The following HMCES variants were observed in gnomAD, a reference collection of about 807,000 sequenced individuals.
The protein encoded by HMCES is 5-hydroxymethylcytosine binding, ES cell specific.
Under a neutral mutation model 35.1 loss-of-function variants are expected in HMCES, and 27 were observed. That is an observed-to-expected ratio of 0.77 (90% CI 0.57 to 1.06). The LOEUF (loss-of-function observed/expected upper bound fraction) is 1.06. Among genes scored for constraint, HMCES ranks in the 50% least tolerant of loss-of-function variants. The pLI is 0.00. For missense variants in HMCES, 391 were observed against 430.4 expected (o/e 0.91, Z 0.81); for synonymous variants, 130 against 154.7 (o/e 0.84, Z 1.18).
chr3:129,287,389 A>C (rs2107688538), intron 2 of HMCES, among the ~76,000 whole-genome samples: 1 of 151,116 alleles, frequency 6.6e-6, no homozygotes, highest in African/African-American at 2.4e-5. Flanking sequence ...ACACCAGAAT[A>C]ATTTTTTTTT....
Position 129,305,292 on chromosome 3 carries a change from A to G in HMCES, c.*467A>G, listed in dbSNP as rs999311232. ...TTTCCTGAATAAATTGTATTTGGTA[A>G]ACTTCTGCCTACATTTTGGAAAGTG... On this transcript the variant is annotated 3_prime_UTR_variant, in exon 7 of 7. Coordinates refer to ENST00000383463, the MANE Select transcript of HMCES (RefSeq NM_020187.3). The G allele has an allele frequency of 1.7e-4, 26 of 154,190 alleles. No homozygotes were observed. The highest frequency in any genetic ancestry group is 6.3e-4 in the African/African-American group (26 of 41,572). 9.6% of individuals were successfully genotyped at this position (154,190 alleles called of 1,614,324 possible). A position where few individuals can be genotyped will look rare whatever the true frequency, so the allele number is the denominator to read the frequency against.
intron 6 of HMCES, among the ~76,000 whole-genome samples, chr3:129,302,516 C>T (rs2071182076): frequency 6.6e-6 from 1 of 152,062 alleles, no homozygotes; most frequent in Non-Finnish European, 1.5e-5. Flanking sequence ...AGATCGAGAC[C>T]ATCCTGGCCA....
chr3:129,282,744 C>T (rs879877701), intron 2 of HMCES, among the ~76,000 whole-genome samples: 25 of 152,168 alleles, frequency 1.6e-4, no homozygotes, highest in Non-Finnish European at 1.5e-4. Flanking sequence ...TAGATAGCAA[C>T]ATTTTCATTT....
intron 4 of HMCES, among the ~76,000 whole-genome samples, chr3:129,294,817 A>G (rs2071071779): frequency 6.6e-6 from 1 of 152,044 alleles, no homozygotes; most frequent in Admixed American, 6.6e-5. Context: ...CTGGTAATAA[A>G]TTCTGATTTT....
chr3:129,297,001 G>T (rs2071101367), intron 4 of HMCES, among the ~76,000 whole-genome samples: 1 of 152,162 alleles, frequency 6.6e-6, no homozygotes, highest in Non-Finnish European at 1.5e-5. Context: ...GCCTCCCAAA[G>T]TGCTGGGATG....
intron 6 of HMCES, among the ~76,000 whole-genome samples, chr3:129,303,794 C>T (rs998883143): frequency 1.3e-5 from 2 of 151,842 alleles, no homozygotes; most frequent in Non-Finnish European, 2.9e-5. Flanking sequence ...CCAGGTTAGA[C>T]TGCAGTGGCA....
chr3:129,295,453 AAC>A (rs1203975761), intron 4 of HMCES, among the ~76,000 whole-genome samples: 3 of 151,882 alleles, frequency 2.0e-5, no homozygotes, highest in Non-Finnish European at 4.4e-5. Flanking sequence ...AAACAAAAAA[AAC>A]CCCACAAAAT....
At position 129,290,667 on chromosome 3, in the gene HMCES, AT is replaced by A; in HGVS notation, c.328-8del. The A allele has an allele frequency of 6.2e-7, 1 of 1,611,310 alleles. No individual in the cohort carries two copies. The highest frequency in any genetic ancestry group is 1.1e-5 in the South Asian group (1 of 90,926). ...ATCACTAAGACCATATCTTGCTCAC[AT>A]TTTCCCTCAGGTGCCTCTGGGAAAG... On this transcript the variant is annotated splice_polypyrimidine_tract_variant and intron_variant, in intron 3 of 6. Transcript: ENST00000383463.
intron 2 of HMCES, among the ~76,000 whole-genome samples, chr3:129,286,413 T>C (rs766944776): frequency 3.3e-5 from 5 of 152,182 alleles, no homozygotes; most frequent in Non-Finnish European, 7.3e-5. Flanking sequence ...TTCAGAACTA[T>C]GAGATAAATC....
intron 2 of HMCES, among the ~76,000 whole-genome samples, chr3:129,283,008 A>T (rs1940540343): frequency 6.6e-6 from 1 of 152,166 alleles, no homozygotes; most frequent in African/African-American, 2.4e-5. Flanking sequence ...CACTGTTGAC[A>T]GTTTTGGCCA....
At chr3:129,303,775 C>G (rs1405371004) in intron 6 of HMCES, among the ~76,000 whole-genome samples, 1 of 151,532 alleles carries the variant, frequency 6.6e-6, no homozygotes, top group African/African-American at 2.4e-5. Context: ...CAGGGTCATG[C>G]TCTGTTGCCC....
chr3:129,286,004 A>G (rs2107687494), intron 2 of HMCES, among the ~76,000 whole-genome samples: 1 of 152,322 alleles, frequency 6.6e-6, no homozygotes, highest in Middle Eastern at 3.4e-3. Context: ...TGCTGGGATT[A>G]CAGGCGTGAG....
rs758745235 is a variant in HMCES at position 129,301,994 on chromosome 3, T to C, written c.680T>C (p.Leu227Pro). The part of the protein sequence containing the change: ...LDGEEAVSKW[L>P]DFGEVSTQEA... ...GGAGAGGAGGCAGTTTCTAAATGGC[T>C]TGACTTTGGTGAAGTCTCAACTCAG... Residue 227 changes from leucine (L) to proline (P), a missense_variant, in exon 6 of 7, where the codon CTT becomes CCT. Coordinates refer to ENST00000383463, the MANE Select transcript of HMCES (RefSeq NM_020187.3). The C allele has an allele frequency of 8.6e-5, 138 of 1,614,016 alleles. No homozygotes were observed. The highest frequency in any genetic ancestry group is 1.1e-4 in the Non-Finnish European group (130 of 1,180,012).
Position 129,302,128 on chromosome 3 carries a change from T to C in HMCES, c.814T>C (p.Leu272=), listed in dbSNP as rs763635796. The C allele has an allele frequency of 5.6e-6, 9 of 1,611,444 alleles. No individual in the cohort carries two copies. The South Asian group carries it at 1.0e-4, about 18-fold the overall frequency. ...NTPECLAPVD[L]VVKKELRASG... is the part of the protein sequence containing the mutation. Reference sequence around the variant, plus strand: ...TCCTGAGTGTCTGGCTCCTGTCGACTTGGTGGTCAAAAAGGTAGGGGCCTG... The same window carrying C: ...TCCTGAGTGTCTGGCTCCTGTCGACCTGGTGGTCAAAAAGGTAGGGGCCTG... Residue 272 remains leucine, a synonymous_variant, in exon 6 of 7, where the codon TTG becomes CTG. Transcript: ENST00000383463.
At chr3:129,290,940 C>A in intron 4 of HMCES, 136 bp downstream of exon 4, 1 of 778,740 alleles carries the variant, frequency 1.3e-6, no homozygotes, top group South Asian at 1.8e-5. Flanking sequence ...CGGTGGCTCA[C>A]GCCTGTGATC....
At chr3:129,301,830 G>T in intron 5 of HMCES, 120 bp from the exon 6 acceptor site, 2 of 792,570 alleles carry the variant, frequency 2.5e-6, no homozygotes, top group South Asian at 1.7e-5. Flanking sequence ...CATGTGAGGC[G>T]CAGAGGGAGG....
At chr3:129,280,896 A>G (rs918433026) in intron 2 of HMCES, among the ~76,000 whole-genome samples, 1 of 152,210 alleles carries the variant, frequency 6.6e-6, no homozygotes, top group Non-Finnish European at 1.5e-5. Flanking sequence ...TCCATGTCTT[A>G]AATATTTTAA....
chr3:129,298,466 G>T lies in HMCES; in HGVS notation c.566G>T (p.Gly189Val). The T allele has an allele frequency of 6.2e-7, 1 of 1,614,206 alleles. No individual in the cohort carries two copies. Among genetic ancestry groups the T allele is most frequent in the Non-Finnish European group, 8.5e-7 (1 of 1,180,044 alleles). The change falls in exon 5 of 7, where the codon GGA becomes GTA. Residue 189 changes from glycine to valine, a missense_variant. Gly to Val is a moderately radical substitution (Grantham distance 109). Coordinates refer to ENST00000383463, the MANE Select transcript of HMCES (RefSeq NM_020187.3). ...GACTGCTGGGAGCCCCCAGAGGGAG[G>T]AGATGTCCTGTATTCCTATACCATC... The part of the protein sequence containing the change: ...IFDCWEPPEG[G>V]DVLYSYTIIT...
At chr3:129,293,198 G>A (rs528441186) in intron 4 of HMCES, among the ~76,000 whole-genome samples, 1 of 152,266 alleles carries the variant, frequency 6.6e-6, no homozygotes, top group East Asian at 1.9e-4. Flanking sequence ...TTAGTCATTG[G>A]TGTTTTTGTT....
Sources: allele counts gnomAD v4.1 joint callset (sites outside exome capture counted in the v4.1 genomes callset), GRCh38; gene constraint gnomAD v4.1.1; transcripts MANE v1.5; gene names NCBI Gene and HGNC (gene_info 2026-07-23, HGNC 2026-07-21).